RGS3: variants seen among roughly 807,000 people sequenced by gnomAD.
RGS3 encodes regulator of G protein signaling 3.
In RGS3, 80 loss-of-function variants were observed where a neutral mutation model predicts 132.6. The ratio of observed to expected loss-of-function variants is 0.60; its 90% CI spans 0.50 to 0.73. The LOEUF (loss-of-function observed/expected upper bound fraction) is 0.73. RGS3 is among the 30% of genes least tolerant of loss of function. RGS3 has a pLI of 0.00. For synonymous variants in RGS3, 598 were observed against 620.6 expected (o/e 0.96, Z 0.54); for missense variants, 1,382 against 1,530.8 (o/e 0.90, Z 1.62).
intron 3 of RGS3, among the ~76,000 whole-genome samples, chr9:113,471,162 T>C (rs1317592182): frequency 6.6e-6 from 1 of 151,976 alleles, no homozygotes; most frequent in Non-Finnish European, 1.5e-5. Flanking sequence ...GTCCCTGGAG[T>C]AGCTGTGTCT....
rs987125377 is a variant in RGS3, at chr9:113,463,758, C to T, written c.415+1557C>T. The T allele has an allele frequency of 1.9e-6, 3 of 1,566,810 alleles. No individual in the cohort carries two copies. The highest frequency in any genetic ancestry group is 2.3e-5 in the East Asian group (1 of 43,048). On this transcript the variant is annotated intron_variant, in intron 3 of 24. Transcript: ENST00000350696. The surrounding 1 kb of genome is among the most constrained non-coding windows in gnomAD (Gnocchi z 4.6). ...TCCGGTTACTGGGGAGCAACACAGCCGCCTCGGGTTGCAGACGCTCCTGTC... is the reference window on the plus strand; with the variant it reads ...TCCGGTTACTGGGGAGCAACACAGCTGCCTCGGGTTGCAGACGCTCCTGTC...
Position 113,591,503 on chromosome 9 carries a change from C to T in RGS3, c.3080+106C>T, listed in dbSNP as rs575181437. ...GGGGAGAAGAGGTTGTGCCTGGTCCCGCCCACAACCCCAGACAGACACCAA... is the reference window on the plus strand; with the variant it reads ...GGGGAGAAGAGGTTGTGCCTGGTCCTGCCCACAACCCCAGACAGACACCAA... On this transcript the variant is annotated intron_variant, in intron 21 of 24. Coordinates refer to ENST00000350696, the Ensembl canonical transcript of RGS3. This position sits in a 1 kb window ranked among gnomAD's most constrained non-coding sequence, Gnocchi z 4.4. 6.2e-5 allele frequency: 60 copies of T among 968,868 alleles called. 1 individual carries two copies. Among genetic ancestry groups the T allele is most frequent in the East Asian group, 9.7e-5 (4 of 41,078 alleles). The allele number at this position is 968,868 out of a possible 1,614,324, so 60.0% of individuals were successfully genotyped here. A position where few individuals can be genotyped will look rare whatever the true frequency, so the allele number is the denominator to read the frequency against.
At chr9:113,584,340 G>T (rs965172165) in exon 20 of RGS3, 17 of 1,591,986 alleles carry the variant, frequency 1.1e-5, no homozygotes, top group Non-Finnish European at 1.4e-5. Context: ...CCTGGGGCAT[G>T]CCTTCGCCCA....
At chr9:113,577,871 G>A (rs1316614430) in intron 19 of RGS3, among the ~76,000 whole-genome samples, 1 of 152,240 alleles carries the variant, frequency 6.6e-6, no homozygotes, top group African/African-American at 2.4e-5. Flanking sequence ...TGGCAGTGAT[G>A]ACTTGGTCAA....
chr9:113,578,589 G>A (rs1345944895), intron 19 of RGS3, among the ~76,000 whole-genome samples: 1 of 152,154 alleles, frequency 6.6e-6, no homozygotes, highest in East Asian at 1.9e-4. Context: ...AGGACTGGGG[G>A]TGTCAGCCTC....
chr9:113,476,895 C>T (rs542507782), intron 3 of RGS3, among the ~76,000 whole-genome samples: 16 of 152,310 alleles, frequency 1.1e-4, no homozygotes, highest in East Asian at 1.9e-4. Flanking sequence ...CTGTGGCTTT[C>T]GGATCCAAGC....
intron 15 of RGS3, 47 bp from the exon 14 acceptor site, chr9:113,517,494 C>T (rs1831737806): frequency 1.3e-6 from 2 of 1,525,230 alleles, no homozygotes; most frequent in African/African-American, 2.7e-5. Flanking sequence ...CCCGGGTCCT[C>T]ACCCAGCCTC....
intron 21 of RGS3, chr9:113,594,113 T>C (rs766048874): frequency 6.2e-7 from 1 of 1,613,120 alleles, no homozygotes; most frequent in Non-Finnish European, 8.5e-7. Flanking sequence ...CAGCCCCGGC[T>C]TGTGCCTGGG....
chr9:113,497,530 C>A, intron 9 of RGS3, 126 bp downstream of exon 7: 1 of 760,134 alleles, frequency 1.3e-6, no homozygotes, highest in Non-Finnish European at 2.1e-6. Flanking sequence ...CTGCTGGGTG[C>A]AGGGACTTCT....
At chr9:113,578,585 G>T (rs910604477) in intron 19 of RGS3, among the ~76,000 whole-genome samples, 1 of 152,120 alleles carries the variant, frequency 6.6e-6, no homozygotes, top group South Asian at 2.1e-4. Context: ...AGGAAGGACT[G>T]GGGGTGTCAG....
chr9:113,594,364 C>CGACTCTG lies in RGS3; in HGVS notation c.3081-63_3081-57dup, dbSNP rs772548756. 6.9e-6 allele frequency: 11 copies of CGACTCTG among 1,599,976 alleles called. No individual in the cohort carries two copies. The South Asian group carries it at 1.2e-4, about 18-fold the overall frequency. On this transcript the variant is annotated intron_variant, in intron 21 of 24. Transcript: ENST00000350696. ...GTAGGTGCCCTCGACCCAGCTCTCC[C>CGACTCTG]GACTCTGGATTTGCAGGGGCGAGTG... is the stretch of plus-strand genomic sequence containing the variant.
intron 17 of RGS3, among the ~76,000 whole-genome samples, chr9:113,528,904 C>T (rs1317922188): frequency 6.6e-6 from 1 of 152,220 alleles, no homozygotes; most frequent in African/African-American, 2.4e-5. Context: ...GGGAGGAGGC[C>T]TCCTGGGATG....
At chr9:113,594,942 A>G (rs1359276499) in exon 23 of RGS3, 1 of 1,613,964 alleles carries the variant, frequency 6.2e-7, no homozygotes, top group Non-Finnish European at 8.5e-7. Flanking sequence ...GAAGCCCTCA[A>G]GTGGGGCGAG....
At chr9:113,596,133 G>A (rs191229216) in intron 24 of RGS3, among the ~76,000 whole-genome samples, 2 of 152,302 alleles carry the variant, frequency 1.3e-5, no homozygotes, top group Admixed American at 6.5e-5. Flanking sequence ...TCAGGAGTTC[G>A]AGACCAGCCT....
At chr9:113,522,721 G>A in intron 16 of RGS3, 1 of 573,774 alleles carries the variant, frequency 1.7e-6, no homozygotes, top group Non-Finnish European at 3.1e-6. Context: ...GGAAGTATAG[G>A]AAGCTGGAGG....
intron 19 of RGS3, chr9:113,580,788 C>T (rs41306506): frequency 0.054 from 53,263 of 985,702 alleles, 1,538 homozygotes; most frequent in South Asian, 0.1. Context: ...GGCTGACTTG[C>T]ATTTCTGGTT....
At chr9:113,580,937 C>A in intron 19 of RGS3, 4 of 985,542 alleles carry the variant, frequency 4.1e-6, no homozygotes, top group Non-Finnish European at 4.8e-6. Flanking sequence ...CACTCTGTGC[C>A]ACTCCGTGCC....
chr9:113,553,834 A>G (rs1588241862), intron 19 of RGS3, among the ~76,000 whole-genome samples: 2 of 151,984 alleles, frequency 1.3e-5, no homozygotes, highest in African/African-American at 2.4e-5. Flanking sequence ...CAAGAGAGAA[A>G]CTCCGTCTCC....
chr9:113,546,911 C>A (rs1346405640), intron 19 of RGS3, among the ~76,000 whole-genome samples: 1 of 152,162 alleles, frequency 6.6e-6, no homozygotes, highest in Non-Finnish European at 1.5e-5. Flanking sequence ...CACCGTGTGA[C>A]CTTGAGCAAA....
Sources: allele counts gnomAD v4.1 joint callset (sites outside exome capture counted in the v4.1 genomes callset), GRCh38; gene constraint gnomAD v4.1.1; non-coding constraint Gnocchi (gnomAD v3.1); transcripts MANE v1.5; gene names NCBI Gene and HGNC (gene_info 2026-07-23, HGNC 2026-07-21).